ST8SIA6: variants seen among roughly 807,000 people sequenced by gnomAD.
The protein encoded by ST8SIA6 is alpha-2,8-sialyltransferase 8F.
ST8SIA6 carries 39 observed loss-of-function variants against 33.6 expected under a neutral mutation model. That is an observed-to-expected ratio of 1.16 (90% CI 0.90 to 1.52). The LOEUF is 1.52. ST8SIA6 is among the 40% of genes most tolerant of loss of function. The probability of loss-of-function intolerance (pLI) is 0.00; values close to 1 mark genes in which losing one functional copy is unlikely to be tolerated. For synonymous variants in ST8SIA6, 172 were observed against 167.2 expected (o/e 1.03, Z -0.22); for missense variants, 441 against 443.8 (o/e 0.99, Z 0.06).
intron 4 of ST8SIA6, among the ~76,000 whole-genome samples, chr10:17,342,243 G>T (rs562831094): frequency 1.3e-5 from 2 of 152,310 alleles, no homozygotes; most frequent in South Asian, 2.1e-4. Context: ...CATGGATGGG[G>T]CTTGCCCTCT....
chr10:17,449,096 A>T (rs927757251), intron 2 of ST8SIA6, among the ~76,000 whole-genome samples: 4 of 150,390 alleles, frequency 2.7e-5, no homozygotes, highest in Non-Finnish European at 5.9e-5. Flanking sequence ...CTAAACATAT[A>T]TAGAAACTGA....
intron 3 of ST8SIA6, among the ~76,000 whole-genome samples, chr10:17,361,516 A>AG (rs1849388353): frequency 1.2e-5 from 1 of 80,738 alleles, no homozygotes; most frequent in Non-Finnish European, 2.2e-5. Flanking sequence ...TCTTCCTACA[A>AG]AACACACACA....
chr10:17,440,955 T>A (rs959951642), intron 2 of ST8SIA6, among the ~76,000 whole-genome samples: 1 of 152,210 alleles, frequency 6.6e-6, no homozygotes, highest in Non-Finnish European at 1.5e-5. Flanking sequence ...ACTGGGGTTG[T>A]CTTCTTGTTA....
At chr10:17,441,930 G>A (rs963068684) in intron 2 of ST8SIA6, among the ~76,000 whole-genome samples, 2 of 150,608 alleles carry the variant, frequency 1.3e-5, no homozygotes, top group African/African-American at 2.5e-5. Context: ...GTGCAGTGGT[G>A]TGATCTGGGC....
intron 2 of ST8SIA6, among the ~76,000 whole-genome samples, chr10:17,433,461 T>A (rs1312567656): frequency 6.6e-6 from 1 of 152,192 alleles, no homozygotes; most frequent in Admixed American, 6.5e-5. Flanking sequence ...CCCATCAAGC[T>A]AACAAAAATA....
intron 2 of ST8SIA6, among the ~76,000 whole-genome samples, chr10:17,436,494 G>C (rs535702797): frequency 3.8e-4 from 58 of 151,480 alleles, no homozygotes; most frequent in African/African-American, 1.3e-3. Context: ...TTAGCATTAG[G>C]TATCTCTCCT....
At chr10:17,330,420 C>T (rs1398258997) in intron 5 of ST8SIA6, among the ~76,000 whole-genome samples, 7 of 152,188 alleles carry the variant, frequency 4.6e-5, no homozygotes, top group African/African-American at 1.2e-4. Context: ...CATTTCAGGG[C>T]GTCATGAGAA....
chr10:17,324,899 C>T (rs1848074275), intron 6 of ST8SIA6, among the ~76,000 whole-genome samples: 1 of 143,334 alleles, frequency 7.0e-6, no homozygotes, highest in Non-Finnish European at 1.5e-5. Flanking sequence ...TTATATATAA[C>T]ATGTATATAT....
intron 2 of ST8SIA6, among the ~76,000 whole-genome samples, chr10:17,432,882 A>C (rs549555981): frequency 3.4e-4 from 52 of 152,334 alleles, no homozygotes; most frequent in African/African-American, 1.2e-3. Flanking sequence ...ACTGTGTTCA[A>C]ATAAGACAAA....
At chr10:17,328,395 G>A (rs113502044) in intron 5 of ST8SIA6, among the ~76,000 whole-genome samples, 2,431 of 152,210 alleles carry the variant, frequency 0.016, 25 homozygotes, top group Non-Finnish European at 0.022. Flanking sequence ...TACCCCAGAA[G>A]GTTTCCTATT....
intron 2 of ST8SIA6, among the ~76,000 whole-genome samples, chr10:17,423,673 G>A (rs1049864822): frequency 3.3e-5 from 5 of 152,010 alleles, no homozygotes; most frequent in African/African-American, 9.7e-5. Flanking sequence ...AGAACAACAC[G>A]ACATCTACAG....
intron 4 of ST8SIA6, among the ~76,000 whole-genome samples, chr10:17,331,957 A>C (rs555747615): frequency 2.0e-5 from 3 of 152,166 alleles, no homozygotes; most frequent in African/African-American, 7.2e-5. Context: ...CTTGCCTCCA[A>C]CAGGCACCAG....
chr10:17,377,846 A>G (rs1027544532), intron 3 of ST8SIA6, among the ~76,000 whole-genome samples: 2 of 152,202 alleles, frequency 1.3e-5, no homozygotes, highest in African/African-American at 4.8e-5. Context: ...TTACTTTTTT[A>G]TCGCCATACA....
intron 3 of ST8SIA6, among the ~76,000 whole-genome samples, chr10:17,376,399 G>C (rs1173854559): frequency 6.6e-6 from 1 of 152,064 alleles, no homozygotes; most frequent in Non-Finnish European, 1.5e-5. Context: ...AGAGCAGTGT[G>C]TCTACTCTAA....
chr10:17,433,909 G>C (rs1852174799), intron 2 of ST8SIA6, among the ~76,000 whole-genome samples: 1 of 152,204 alleles, frequency 6.6e-6, no homozygotes. Context: ...GCCATCCCGA[G>C]GGATTTTTCA....
At chr10:17,364,531 C>T (rs1170951301) in intron 3 of ST8SIA6, among the ~76,000 whole-genome samples, 4 of 152,078 alleles carry the variant, frequency 2.6e-5, no homozygotes, top group African/African-American at 7.2e-5. Context: ...TATCCTCTGA[C>T]GTTATAGAGG....
At position 17,315,550 on chromosome 10, in the gene ST8SIA6, T is replaced by G. The variant is rs901831280; in HGVS notation, c.*5328A>C. Among the ~76,000 whole-genome samples the G allele has an allele frequency of 1.3e-5, 2 of 152,018 alleles. No individual in the cohort carries two copies. Among genetic ancestry groups the G allele is most frequent in the Admixed American group, 6.6e-5 (1 of 15,258 alleles). ...TAATTCTACTCAGTAAATAAAGGCA[T>G]AAACTACAGATACACAATCAACATG... On this transcript the variant is annotated 3_prime_UTR_variant, in exon 8 of 8. Coordinates refer to ENST00000377602, the MANE Select transcript of ST8SIA6 (RefSeq NM_001004470.3).
rs945780714 is a variant in ST8SIA6, at chr10:17,318,027, A to G, written c.*2851T>C. Among the ~76,000 whole-genome samples the G allele has an allele frequency of 5.9e-5, 9 of 152,190 alleles. No individual in the cohort carries two copies. Among genetic ancestry groups the G allele is most frequent in the African/African-American group, 2.2e-4 (9 of 41,448 alleles). ...CAGGGACCACAGAGTACTATGGACTATATACTTAAATGAATATTTCTGCCT... is the reference window on the plus strand; with the variant it reads ...CAGGGACCACAGAGTACTATGGACTGTATACTTAAATGAATATTTCTGCCT... On this transcript the variant is annotated 3_prime_UTR_variant, in exon 8 of 8. Transcript: ENST00000377602.
At chr10:17,331,876 C>T (rs1848313245) in intron 4 of ST8SIA6, among the ~76,000 whole-genome samples, 1 of 152,166 alleles carries the variant, frequency 6.6e-6, no homozygotes, top group South Asian at 2.1e-4. Context: ...TCGTTTCCTG[C>T]ACCTATTAAC....
Sources: allele counts gnomAD v4.1 joint callset (sites outside exome capture counted in the v4.1 genomes callset), GRCh38; gene constraint gnomAD v4.1.1; transcripts MANE v1.5; gene names NCBI Gene and HGNC (gene_info 2026-07-23, HGNC 2026-07-21).